The following SHROOM3 variants were observed in gnomAD, a reference collection of about 807,000 sequenced individuals.
The protein encoded by SHROOM3 is shroom family member 3, also known as protein Shroom3.
In SHROOM3, 47 loss-of-function variants were observed where a neutral mutation model predicts 138.6. The observed-to-expected ratio is 0.34, with a 90% confidence interval of 0.27 to 0.43. The LOEUF (loss-of-function observed/expected upper bound fraction) is 0.43. SHROOM3 is among the 20% of genes least tolerant of loss of function. The pLI is 1.00. For missense variants in SHROOM3, 2,491 were observed against 2,596.5 expected (o/e 0.96, Z 0.88); for synonymous variants, 1,062 against 1,063.3 (o/e 1.00, Z 0.02).
chr4:76,582,228 A>G (rs1734065793), intron 2 of SHROOM3, among the ~76,000 whole-genome samples: 1 of 152,180 alleles, frequency 6.6e-6, no homozygotes, highest in Non-Finnish European at 1.5e-5. Flanking sequence ...GGCTGTTTCT[A>G]GCTCCCCCAT....
chr4:76,469,354 T>C (rs1460206106), intron 1 of SHROOM3, among the ~76,000 whole-genome samples: 1 of 152,194 alleles, frequency 6.6e-6, no homozygotes, highest in Non-Finnish European at 1.5e-5. Flanking sequence ...AGTGAGGGAC[T>C]GCAGGTTAAG....
rs185696530 is a variant in SHROOM3 at position 76,595,122 on chromosome 4, T to C, written c.323+39359T>C. Among the ~76,000 whole-genome samples, 3 of 152,318 alleles carry C rather than the reference T, an allele frequency of 2.0e-5. No individual in the cohort carries two copies. The East Asian group carries it at 5.8e-4, about 29-fold the overall frequency. ...GTCTAAAAAGAAGGAATAATCAAAGTTTCTACCTTGTTGTGTTGTTGTGTA... is the reference window on the plus strand; with the variant it reads ...GTCTAAAAAGAAGGAATAATCAAAGCTTCTACCTTGTTGTGTTGTTGTGTA... On this transcript the variant is annotated intron_variant, in intron 2 of 10. Coordinates refer to ENST00000296043, the MANE Select transcript of SHROOM3 (RefSeq NM_020859.4).
At chr4:76,688,295 A>C in intron 2 of SHROOM3, 1 of 673,128 alleles carries the variant, frequency 1.5e-6, no homozygotes, top group Non-Finnish European at 1.8e-6. Context: ...GTTTCAGTAA[A>C]GAGGTTTATT....
chr4:76,743,949 C>T (rs527543281), intron 5 of SHROOM3, among the ~76,000 whole-genome samples: 31 of 152,300 alleles, frequency 2.0e-4, no homozygotes, highest in Middle Eastern at 3.4e-3. Flanking sequence ...TTTCTCTCCC[C>T]GTGTTTCAAA....
At position 76,551,901 on chromosome 4, in the gene SHROOM3, A is replaced by T. The variant is rs180862318; in HGVS notation, c.169-3708A>T. On this transcript the variant is annotated intron_variant, in intron 1 of 10. Coordinates refer to ENST00000296043, the MANE Select transcript of SHROOM3 (RefSeq NM_020859.4). ...TTTTGAGACAGAGTCTCGCTCTGTC[A>T]CCCAGGCTGGAGTGCAGTGGTGCGA... Among the ~76,000 whole-genome samples, 3 of 151,558 alleles carry T rather than the reference A, an allele frequency of 2.0e-5. No homozygotes were observed. The East Asian group carries it at 5.9e-4, about 30-fold the overall frequency.
At chr4:76,647,335 T>C (rs1221783415) in intron 2 of SHROOM3, among the ~76,000 whole-genome samples, 1 of 152,120 alleles carries the variant, frequency 6.6e-6, no homozygotes, top group Non-Finnish European at 1.5e-5. Flanking sequence ...AGGAATACGC[T>C]CTAATGTTCG....
chr4:76,508,038 T>C (rs1196779396), intron 1 of SHROOM3, among the ~76,000 whole-genome samples: 1 of 152,258 alleles, frequency 6.6e-6, no homozygotes, highest in Non-Finnish European at 1.5e-5. Flanking sequence ...CTTTATGTTG[T>C]CATTTGAAAC....
chr4:76,736,052 A>G (rs991296795), intron 4 of SHROOM3, among the ~76,000 whole-genome samples: 3 of 151,614 alleles, frequency 2.0e-5, no homozygotes, highest in Non-Finnish European at 4.4e-5. Context: ...GAGGAGGATT[A>G]CCTAATGTCT....
chr4:76,780,535 A>G lies in SHROOM3; in HGVS notation c.*1358A>G, dbSNP rs1273074296. 1 of 130,616 alleles carries G rather than the reference A, an allele frequency of 7.7e-6. No individual in the cohort carries two copies. The highest frequency in any genetic ancestry group is 1.7e-5 in the Non-Finnish European group (1 of 60,290). The allele number at this position is 130,616 out of a possible 1,614,324, so 8.1% of individuals were successfully genotyped here. A position where few individuals can be genotyped will look rare whatever the true frequency, so the allele number is the denominator to read the frequency against. On this transcript the variant is annotated 3_prime_UTR_variant, in exon 11 of 11. Coordinates refer to ENST00000296043, the MANE Select transcript of SHROOM3 (RefSeq NM_020859.4). The stretch of plus-strand genomic sequence containing the variant: ...AATTGGGGGAGTAAAATTTTGAAGT[A>G]AAAAAAAAAAAAAAATGACAAGGGA...
intron 5 of SHROOM3, among the ~76,000 whole-genome samples, chr4:76,745,623 C>G (rs1376460732): frequency 1.3e-5 from 2 of 152,172 alleles, no homozygotes; most frequent in Admixed American, 1.3e-4. Context: ...TGTGAAGATA[C>G]AAATAGCTAA....
intron 2 of SHROOM3, among the ~76,000 whole-genome samples, chr4:76,652,109 A>C (rs1168315023): frequency 2.6e-5 from 4 of 152,232 alleles, no homozygotes; most frequent in Admixed American, 2.6e-4. Flanking sequence ...ATTCCAAAAA[A>C]GGACACAACC....
At chr4:76,532,765 C>A (rs1272367506) in intron 1 of SHROOM3, among the ~76,000 whole-genome samples, 2 of 151,922 alleles carry the variant, frequency 1.3e-5, no homozygotes, top group Non-Finnish European at 2.9e-5. Context: ...TTTCTAAAGT[C>A]AAGAACTTCC....
intron 2 of SHROOM3, among the ~76,000 whole-genome samples, chr4:76,565,028 G>A (rs191229351): frequency 6.7e-4 from 102 of 152,076 alleles, no homozygotes; most frequent in African/African-American, 2.4e-3. Flanking sequence ...GGGTGTGGTG[G>A]TGGGTGCCTG....
At position 76,755,001 on chromosome 4, in the gene SHROOM3, C is replaced by T. The variant is rs147919147; in HGVS notation, c.4518C>T (p.Asp1506=). The T allele has an allele frequency of 5.8e-5, 93 of 1,612,340 alleles. No homozygotes were observed. The East Asian group carries it at 5.8e-4, about 10-fold the overall frequency. Residue 1506 remains aspartate, a synonymous_variant, in exon 7 of 11, where the codon GAC becomes GAT. Transcript: ENST00000296043. ...DSPPPHEDYE[D]EVFVRDPHPK... is the part of the protein sequence containing the mutation. ...CGCCACCTCATGAGGATTATGAAGA[C>T]GAAGTGTTTGTGAGGGATCCGCACC...
chr4:76,779,231 T>C lies in SHROOM3; in HGVS notation c.*54T>C. 1.3e-6 allele frequency: 2 copies of C among 1,537,558 alleles called. No individual in the cohort carries two copies. Among genetic ancestry groups the C allele is most frequent in the Non-Finnish European group, 1.7e-6 (2 of 1,145,218 alleles). ...CACTGTTTCTCTCAACACTATTTAA[T>C]CTGAAAAATGTTTCAGTACAAACCA... On this transcript the variant is annotated 3_prime_UTR_variant, in exon 11 of 11. Transcript: ENST00000296043.
chr4:76,525,881 A>C (rs975772294), intron 1 of SHROOM3, among the ~76,000 whole-genome samples: 18 of 152,280 alleles, frequency 1.2e-4, no homozygotes, highest in Admixed American at 9.8e-4. Flanking sequence ...ACACTGCTAC[A>C]TCCTCATCTC....
intron 10 of SHROOM3, among the ~76,000 whole-genome samples, chr4:76,775,199 C>T (rs1309986600): frequency 6.6e-6 from 1 of 152,148 alleles, no homozygotes; most frequent in African/African-American, 2.4e-5. Flanking sequence ...AAACTGAGAA[C>T]ATAAAACGTT....
chr4:76,552,151 T>A (rs371735958), intron 1 of SHROOM3, among the ~76,000 whole-genome samples: 1 of 150,928 alleles, frequency 6.6e-6, no homozygotes, highest in East Asian at 1.9e-4. Context: ...CATGAGCCAC[T>A]GCGCCTGGCC....
intron 2 of SHROOM3, among the ~76,000 whole-genome samples, chr4:76,558,487 G>A (rs554073105): frequency 6.6e-6 from 1 of 152,154 alleles, no homozygotes; most frequent in Non-Finnish European, 1.5e-5. Context: ...ATATATGCTG[G>A]TTCCCTGGTT....
Sources: gnomAD v4.1 joint callset for allele counts (sites outside exome capture counted in the v4.1 genomes callset) on GRCh38, gnomAD v4.1.1 for gene constraint, MANE v1.5 for transcripts, NCBI Gene and HGNC (gene_info 2026-07-23, HGNC 2026-07-21) for gene names.